The following SMG6 variants were observed in gnomAD, a reference collection of about 807,000 sequenced individuals.
SMG6 encodes the protein telomerase-binding protein EST1A.
SMG6 carries 66 observed loss-of-function variants against 142.2 expected under a neutral mutation model. The observed-to-expected ratio is 0.46, with a 90% confidence interval of 0.38 to 0.57. The LOEUF (loss-of-function observed/expected upper bound fraction) is 0.57, where lower values mean the gene tolerates loss of function less well. SMG6 is among the 20% of genes least tolerant of loss of function. The pLI is 0.00. For missense variants in SMG6, 1,793 were observed against 1,832.0 expected (o/e 0.98, Z 0.39); for synonymous variants, 779 against 702.4 (o/e 1.11, Z -1.72).
intron 13 of SMG6, among the ~76,000 whole-genome samples, chr17:2,165,666 C>G (rs2071313931): frequency 6.6e-6 from 1 of 152,168 alleles, no homozygotes; most frequent in African/African-American, 2.4e-5. Flanking sequence ...CTCTGGGAGG[C>G]CAAGGCGGGA....
intron 8 of SMG6, among the ~76,000 whole-genome samples, chr17:2,280,153 T>C (rs1225511465): frequency 6.6e-6 from 1 of 151,950 alleles, no homozygotes; most frequent in Non-Finnish European, 1.5e-5. Flanking sequence ...TGGGACCTAC[T>C]GTGAGAGAAA....
chr17:2,275,740 G>T (rs2074634490), intron 8 of SMG6, among the ~76,000 whole-genome samples: 1 of 152,192 alleles, frequency 6.6e-6, no homozygotes, highest in Admixed American at 6.5e-5. Flanking sequence ...CAAATGCCCA[G>T]AACCCTGGCA....
At chr17:2,290,348 C>T (rs2075003346) in intron 6 of SMG6, among the ~76,000 whole-genome samples, 1 of 152,166 alleles carries the variant, frequency 6.6e-6, no homozygotes, top group Non-Finnish European at 1.5e-5. Flanking sequence ...GGAGCAAAGG[C>T]AATTCGATGG....
At chr17:2,295,573 T>C (rs2075127351) in intron 4 of SMG6, among the ~76,000 whole-genome samples, 1 of 152,184 alleles carries the variant, frequency 6.6e-6, no homozygotes, top group Non-Finnish European at 1.5e-5. Flanking sequence ...CACTTTTTAG[T>C]AATCTTAACA....
chr17:2,130,513 G>A (rs2062032745), intron 13 of SMG6, among the ~76,000 whole-genome samples: 1 of 151,690 alleles, frequency 6.6e-6, no homozygotes, highest in Non-Finnish European at 1.5e-5. Flanking sequence ...AGAGGACTAG[G>A]AAACAGGGAA....
rs570417298 is a variant in SMG6 at position 2,288,079 on chromosome 17, C to T, written c.2338-4344G>A. On this transcript the variant is annotated intron_variant, in intron 6 of 18. Transcript: ENST00000263073. ...CTGTAATCCCAGCACTTTCGGAGGC[C>T]AAGGTGGGTGGATCACCTGAAGTCT... Among the ~76,000 whole-genome samples, 127 of 150,350 alleles carry T rather than the reference C, an allele frequency of 8.4e-4. 1 individual carries two copies. The highest frequency in any genetic ancestry group is 6.1e-3 in the South Asian group (29 of 4,718).
intron 13 of SMG6, among the ~76,000 whole-genome samples, chr17:2,098,759 T>A (rs2068926862): frequency 6.6e-6 from 1 of 151,916 alleles, no homozygotes; most frequent in Admixed American, 6.6e-5. Context: ...GCCTCCCGAG[T>A]AGCTGGGATT....
At chr17:2,131,106 T>C (rs2070107217) in intron 13 of SMG6, among the ~76,000 whole-genome samples, 1 of 152,208 alleles carries the variant, frequency 6.6e-6, no homozygotes, top group Non-Finnish European at 1.5e-5. Flanking sequence ...TTGATTTTTA[T>C]ATACAATAAA....
At chr17:2,096,007 C>T (rs1158611293) in intron 13 of SMG6, among the ~76,000 whole-genome samples, 1 of 152,168 alleles carries the variant, frequency 6.6e-6, no homozygotes, top group Non-Finnish European at 1.5e-5. Context: ...AGTTATTTTA[C>T]ATTTAAGCAA....
chr17:2,061,357 C>T lies in SMG6; in HGVS notation c.*135G>A, dbSNP rs1173285582. On this transcript the variant is annotated 3_prime_UTR_variant, in exon 19 of 19. Transcript: ENST00000263073. ...CAGGTCCCCCACAGCATGGCCGTGGCGTGGGTTGGAAGAGGATGGTTTATT... is the reference window on the plus strand; with the variant it reads ...CAGGTCCCCCACAGCATGGCCGTGGTGTGGGTTGGAAGAGGATGGTTTATT... The T allele has an allele frequency of 7.0e-6, 6 of 858,722 alleles. No homozygotes were observed. The highest frequency in any genetic ancestry group is 1.7e-5 in the South Asian group (1 of 58,200). The allele number at this position is 858,722 out of a possible 1,614,324, so 53.2% of individuals were successfully genotyped here. A position where few individuals can be genotyped will look rare whatever the true frequency, so the allele number is the denominator to read the frequency against.
chr17:2,157,734 G>A (rs2071050512), intron 13 of SMG6, among the ~76,000 whole-genome samples: 2 of 152,276 alleles, frequency 1.3e-5, no homozygotes, highest in South Asian at 2.1e-4. Context: ...GGAGGTGTTG[G>A]TCACCAATAA....
At chr17:2,087,468 T>C (rs188183150) in intron 13 of SMG6, 1 of 1,096,728 alleles carries the variant, frequency 9.1e-7, no homozygotes, top group African/African-American at 1.6e-5. Context: ...TCTCTCACCA[T>C]TGGCCCTGTT....
chr17:2,099,659 G>A (rs1438136674), intron 13 of SMG6, among the ~76,000 whole-genome samples: 1 of 152,096 alleles, frequency 6.6e-6, no homozygotes, highest in Non-Finnish European at 1.5e-5. Flanking sequence ...CCTCATAGTT[G>A]GAGACAAGAG....
At chr17:2,065,802 T>C in intron 16 of SMG6, 123 bp from the exon 17 acceptor site, 1 of 811,456 alleles carries the variant, frequency 1.2e-6, no homozygotes, top group Non-Finnish European at 2.0e-6. Context: ...CCCACAGGAG[T>C]CTTCCAATGA....
At chr17:2,197,493 G>C (rs2072366442) in intron 10 of SMG6, among the ~76,000 whole-genome samples, 1 of 152,100 alleles carries the variant, frequency 6.6e-6, no homozygotes, top group African/African-American at 2.4e-5. Context: ...TTGAGCCTGG[G>C]AGGTCAAGGC....
At chr17:2,167,994 A>C (rs889598130) in intron 13 of SMG6, among the ~76,000 whole-genome samples, 1 of 152,028 alleles carries the variant, frequency 6.6e-6, no homozygotes, top group Non-Finnish European at 1.5e-5. Flanking sequence ...CAGGCTCCTG[A>C]GTAGCTGGGA....
chr17:2,291,324 CCG>C (rs2075032202), intron 6 of SMG6, among the ~76,000 whole-genome samples: 1 of 150,894 alleles, frequency 6.6e-6, no homozygotes. Context: ...GAGCGAGACT[CCG>C]TCTCAGAAAA....
At chr17:2,174,695 C>T (rs2071605757) in intron 12 of SMG6, among the ~76,000 whole-genome samples, 1 of 152,196 alleles carries the variant, frequency 6.6e-6, no homozygotes. Flanking sequence ...AAGCCTCTCT[C>T]AGCGCAGACA....
Position 2,209,700 on chromosome 17 carries a change from C to T in SMG6, c.2870-21185G>A, listed in dbSNP as rs149703182. Among the ~76,000 whole-genome samples the T allele has an allele frequency of 6.1e-4, 93 of 152,214 alleles. 1 individual carries two copies. Among genetic ancestry groups the T allele is most frequent in the African/African-American group, 2.1e-3 (86 of 41,538 alleles). ...ATTTTTAGTAGAGAAGGAGTTTCAC[C>T]ATGTTGGCCAGCCTGGTCTCGAACT... is the stretch of plus-strand genomic sequence containing the variant. On this transcript the variant is annotated intron_variant, in intron 10 of 18. Transcript: ENST00000263073.
Sources: gnomAD v4.1 joint callset for allele counts (sites outside exome capture counted in the v4.1 genomes callset) on GRCh38, gnomAD v4.1.1 for gene constraint, MANE v1.5 for transcripts, NCBI Gene and HGNC (gene_info 2026-07-23, HGNC 2026-07-21) for gene names.